ALPK2: variants seen among roughly 807,000 people sequenced by gnomAD.
ALPK2 encodes alpha kinase 2, also known as alpha-protein kinase 2.
In ALPK2, 127 loss-of-function variants were observed where a neutral mutation model predicts 163.1. The observed-to-expected ratio is 0.78, with a 90% confidence interval of 0.67 to 0.90. The LOEUF (loss-of-function observed/expected upper bound fraction) is 0.90. ALPK2 is among the 40% of genes least tolerant of loss of function. The probability of loss-of-function intolerance (pLI) is 0.00; values close to 1 mark genes in which losing one functional copy is unlikely to be tolerated. For missense variants in ALPK2, 2,360 were observed against 2,589.6 expected, an observed-to-expected ratio of 0.91 and a Z score of 1.92; for synonymous variants, 953 against 959.1, an observed-to-expected ratio of 0.99 and a Z score of 0.12.
At chr18:58,539,791 C>T (rs1460387112) in intron 4 of ALPK2, among the ~76,000 whole-genome samples, 1 of 152,164 alleles carries the variant, frequency 6.6e-6, no homozygotes, top group Non-Finnish European at 1.5e-5. Flanking sequence ...GTCTTACTAC[C>T]TTGTGGTCAA....
chr18:58,550,363 C>T (rs1465158680), intron 4 of ALPK2, among the ~76,000 whole-genome samples: 4 of 151,372 alleles, frequency 2.6e-5, no homozygotes, highest in African/African-American at 9.7e-5. Flanking sequence ...ATCTCTGTCT[C>T]TATCACATAC....
At position 58,608,946 on chromosome 18, in the gene ALPK2, G is replaced by A. The variant is rs541822337; in HGVS notation, c.110-1507C>T. ...GCACTCCAGCCTGGGCGACAGAGTG[G>A]GACCTTGTCTCAAAAAAAAAAAAAG... On this transcript the variant is annotated intron_variant, in intron 2 of 12. Transcript: ENST00000361673. 2.7e-5 allele frequency among the ~76,000 whole-genome samples: 4 copies of A among 147,802 alleles called. No individual in the cohort carries two copies. In the East Asian group the frequency reaches 7.8e-4, roughly 29 times the overall value.
chr18:58,507,138 T>A (rs2051465841), intron 10 of ALPK2, among the ~76,000 whole-genome samples: 1 of 152,154 alleles, frequency 6.6e-6, no homozygotes, highest in South Asian at 2.1e-4. Context: ...AAAATGTTTG[T>A]CAAATGAGTA....
Position 58,525,672 on chromosome 18 carries a change from C to T in ALPK2, c.5502-1610G>A, listed in dbSNP as rs554050196. ...GGCCGACCTCAGGTGTGCTATGTAG[C>T]CTGTCACCCTCAATTTCCTCCTCTG... On this transcript the variant is annotated intron_variant, in intron 6 of 12. Transcript: ENST00000361673. Among the ~76,000 whole-genome samples the T allele has an allele frequency of 9.0e-4, 137 of 152,222 alleles. 5 individuals are homozygous for T. The South Asian group carries it at 0.028, about 31-fold the overall frequency.
intron 2 of ALPK2, among the ~76,000 whole-genome samples, 159 bp downstream of exon 2, chr18:58,611,530 A>C (rs1213746554): frequency 6.6e-6 from 1 of 152,254 alleles, no homozygotes; most frequent in Non-Finnish European, 1.5e-5. Context: ...ATCTTTTAGA[A>C]ACAAATCATA....
At chr18:58,619,139 A>C (rs1458718534) in intron 1 of ALPK2, among the ~76,000 whole-genome samples, 1 of 152,212 alleles carries the variant, frequency 6.6e-6, no homozygotes, top group Non-Finnish European at 1.5e-5. Context: ...TGTAAATTGC[A>C]TGGGGAGGAA....
rs184736524 is a variant in ALPK2, at chr18:58,573,394, A to G, written c.1962+5420T>C. Among the ~76,000 whole-genome samples the G allele has an allele frequency of 2.5e-3, 358 of 142,198 alleles. 6 individuals are homozygous for G. In the East Asian group the frequency reaches 0.027, roughly 11 times the overall value. The allele number at this position is 142,198 out of a possible 152,430, so 93.3% of individuals were successfully genotyped here. ...TATATATGTGTGTGTATATATATAT[A>G]TGTGTGTATATATATATGTTTTTTT... is the stretch of plus-strand genomic sequence containing the variant. On this transcript the variant is annotated intron_variant, in intron 4 of 12. Transcript: ENST00000361673.
At chr18:58,483,636 C>T (rs538186718) in intron 12 of ALPK2, among the ~76,000 whole-genome samples, 5 of 151,852 alleles carry the variant, frequency 3.3e-5, no homozygotes, top group East Asian at 1.9e-4. Context: ...TTGCAACCTC[C>T]GCTTGCTGGG....
At chr18:58,603,887 C>T (rs1309137729) in intron 3 of ALPK2, among the ~76,000 whole-genome samples, 1 of 152,054 alleles carries the variant, frequency 6.6e-6, no homozygotes, top group African/African-American at 2.4e-5. Flanking sequence ...CTGGGAATGC[C>T]TTCTTGGCTT....
Position 58,481,690 on chromosome 18 carries a change from G to A in ALPK2, c.*133C>T, listed in dbSNP as rs2051311796. On this transcript the variant is annotated 3_prime_UTR_variant, in exon 13 of 13. Coordinates refer to ENST00000361673, the MANE Select transcript of ALPK2 (RefSeq NM_052947.4). ...CAGGTGATGGGTTTAGAAGCATCTTGGCGCACAGTCGGCTGGGAGTAAGGA... is the reference window on the plus strand; with the variant it reads ...CAGGTGATGGGTTTAGAAGCATCTTAGCGCACAGTCGGCTGGGAGTAAGGA... 1.1e-5 allele frequency: 8 copies of A among 704,176 alleles called. No individual in the cohort carries two copies. The allele number at this position is 704,176 out of a possible 1,614,324, so 43.6% of individuals were successfully genotyped here.
At chr18:58,620,270 G>GTCT (rs2052191515) in intron 1 of ALPK2, among the ~76,000 whole-genome samples, 1 of 152,168 alleles carries the variant, frequency 6.6e-6, no homozygotes, top group Admixed American at 6.5e-5. Flanking sequence ...CAGCTTGGAC[G>GTCT]ACAGAGCGAA....
At chr18:58,498,173 G>C in intron 11 of ALPK2, 76 bp from the exon 12 acceptor site, 1 of 1,390,550 alleles carries the variant, frequency 7.2e-7, no homozygotes, top group Non-Finnish European at 1.0e-6. Context: ...CTAGCCCCAG[G>C]GAAGGGGTAA....
chr18:58,598,586 A>G (rs1001717112), intron 3 of ALPK2, among the ~76,000 whole-genome samples: 1 of 152,156 alleles, frequency 6.6e-6, no homozygotes, highest in Non-Finnish European at 1.5e-5. Flanking sequence ...TACGCTGCCA[A>G]ACTGAACCCC....
intron 3 of ALPK2, among the ~76,000 whole-genome samples, chr18:58,596,975 C>T (rs1201423177): frequency 1.3e-5 from 2 of 152,028 alleles, no homozygotes; most frequent in East Asian, 3.8e-4. Context: ...TGTGTGCCAC[C>T]ACCCCAAGCT....
At chr18:58,607,043 C>A (rs1328157387) in intron 3 of ALPK2, among the ~76,000 whole-genome samples, 1 of 152,170 alleles carries the variant, frequency 6.6e-6, no homozygotes, top group Non-Finnish European at 1.5e-5. Context: ...AAATGAAAAG[C>A]TTATTTAATG....
intron 1 of ALPK2, among the ~76,000 whole-genome samples, chr18:58,622,714 C>G (rs978816616): frequency 2.0e-5 from 3 of 152,164 alleles, no homozygotes; most frequent in Non-Finnish European, 4.4e-5. Flanking sequence ...AGGAATGTGT[C>G]GTCAATGTCA....
intron 1 of ALPK2, among the ~76,000 whole-genome samples, chr18:58,626,584 A>G (rs983113623): frequency 1.3e-5 from 2 of 152,188 alleles, no homozygotes; most frequent in African/African-American, 4.8e-5. Context: ...CTCATATTTA[A>G]ATATGGTAAT....
chr18:58,498,168 C>T, intron 11 of ALPK2, 71 bp from the exon 12 acceptor site: 1 of 1,441,982 alleles, frequency 6.9e-7, no homozygotes, highest in South Asian at 1.2e-5. Flanking sequence ...GCCATCTAGC[C>T]CCAGGGAAGG....
At chr18:58,603,454 T>G (rs1387572112) in intron 3 of ALPK2, among the ~76,000 whole-genome samples, 1 of 152,174 alleles carries the variant, frequency 6.6e-6, no homozygotes, top group African/African-American at 2.4e-5. Flanking sequence ...AGGGCAGAGT[T>G]GATGAGAGAG....
Sources: gnomAD v4.1 joint callset for allele counts (sites outside exome capture counted in the v4.1 genomes callset) on GRCh38, gnomAD v4.1.1 for gene constraint, MANE v1.5 for transcripts, NCBI Gene and HGNC (gene_info 2026-07-23, HGNC 2026-07-21) for gene names.